The following EXOC2 variants were observed in gnomAD, a reference collection of about 807,000 sequenced individuals.
EXOC2 encodes exocyst complex component 2, also known as SEC5-like 1.
A neutral mutation model predicts 131.8 loss-of-function variants in EXOC2; 70 were observed. The ratio of observed to expected loss-of-function variants is 0.53; its 90% confidence interval spans 0.44 to 0.65. EXOC2 has a LOEUF of 0.65. Among genes scored for constraint, EXOC2 ranks in the 30% least tolerant of loss-of-function variants. The probability of loss-of-function intolerance (pLI) is 0.00; values close to 1 mark genes in which losing one functional copy is unlikely to be tolerated. For missense variants in EXOC2, 923 were observed against 1,108.6 expected, an observed-to-expected ratio of 0.83 and a Z score of 2.38; for synonymous variants, 411 against 398.4, an observed-to-expected ratio of 1.03 and a Z score of -0.38.
chr6:566,692 CT>C (rs146712124), intron 13 of EXOC2, among the ~76,000 whole-genome samples: 3 of 151,966 alleles, frequency 2.0e-5, no homozygotes, highest in African/African-American at 4.8e-5. Context: ...GGCTTGGGTA[CT>C]TTTTTTCTTT....
At chr6:508,305 A>G (rs1240575233) in intron 23 of EXOC2, among the ~76,000 whole-genome samples, 2 of 152,206 alleles carry the variant, frequency 1.3e-5, no homozygotes, top group African/African-American at 2.4e-5. Flanking sequence ...GACATGTGTC[A>G]TTATTACCCA....
chr6:504,689 G>A (rs926723312), intron 23 of EXOC2, among the ~76,000 whole-genome samples: 7 of 152,250 alleles, frequency 4.6e-5, no homozygotes, highest in Middle Eastern at 3.4e-3. Context: ...CCTACTCTGC[G>A]AAACAGACAG....
chr6:647,744 T>A (rs1410349239), intron 1 of EXOC2, among the ~76,000 whole-genome samples: 2 of 148,640 alleles, frequency 1.3e-5, no homozygotes, highest in Admixed American at 6.8e-5. Flanking sequence ...ACAGGGCAAT[T>A]CCAATTTACT....
chr6:529,119 C>G (rs6938136), intron 23 of EXOC2, among the ~76,000 whole-genome samples: 8 of 148,106 alleles, frequency 5.4e-5, no homozygotes, highest in Non-Finnish European at 9.0e-5. Context: ...GCCTTTTACC[C>G]CCCCCCGCGC....
chr6:597,781 T>C (rs1340889032), intron 10 of EXOC2, among the ~76,000 whole-genome samples: 1 of 152,162 alleles, frequency 6.6e-6, no homozygotes, highest in Non-Finnish European at 1.5e-5. Context: ...ACTTTTCCTT[T>C]CCCGAAAATG....
chr6:679,184 C>T (rs1345497447), intron 1 of EXOC2: 1 of 151,804 alleles, frequency 6.6e-6, no homozygotes, highest in Admixed American at 6.6e-5. Flanking sequence ...ATTTGAAAGC[C>T]AAACAGGAAG....
At chr6:530,755 G>A (rs912323868) in intron 23 of EXOC2, among the ~76,000 whole-genome samples, 2 of 152,206 alleles carry the variant, frequency 1.3e-5, no homozygotes, top group African/African-American at 4.8e-5. Flanking sequence ...CTCTGCATCT[G>A]TGGCCTCCAC....
chr6:582,437 C>T (rs1234067900), intron 11 of EXOC2, among the ~76,000 whole-genome samples: 1 of 151,634 alleles, frequency 6.6e-6, no homozygotes, highest in African/African-American at 2.4e-5. Flanking sequence ...GAAGGGTGGC[C>T]GACTTCCTCA....
intron 1 of EXOC2, among the ~76,000 whole-genome samples, chr6:686,604 ATC>A (rs1278287257): frequency 6.6e-6 from 1 of 152,128 alleles, no homozygotes; most frequent in Non-Finnish European, 1.5e-5. Context: ...CATAAAAGAG[ATC>A]TGTTATATAT....
At chr6:588,221 C>T (rs1759324701) in intron 11 of EXOC2, among the ~76,000 whole-genome samples, 1 of 152,128 alleles carries the variant, frequency 6.6e-6, no homozygotes, top group African/African-American at 2.4e-5. Flanking sequence ...GCAGTGTTTA[C>T]TGACAATGAC....
chr6:651,272 A>T (rs1480645265), intron 1 of EXOC2, among the ~76,000 whole-genome samples: 1 of 151,896 alleles, frequency 6.6e-6, no homozygotes, highest in Non-Finnish European at 1.5e-5. Flanking sequence ...TGACCTTGTG[A>T]TCCTCCTGCC....
chr6:516,823 T>C (rs1765189635), intron 23 of EXOC2, among the ~76,000 whole-genome samples: 1 of 152,216 alleles, frequency 6.6e-6, no homozygotes, highest in African/African-American at 2.4e-5. Context: ...CCTAATGCTT[T>C]CCATAGCACC....
At chr6:658,648 TA>T in intron 1 of EXOC2, among the ~76,000 whole-genome samples, 2 of 68,226 alleles carry the variant, frequency 2.9e-5, no homozygotes, top group African/African-American at 9.8e-5. Flanking sequence ...ATATATTTTA[TA>T]TATATATATA....
chr6:515,489 C>T (rs1370386782), intron 23 of EXOC2, among the ~76,000 whole-genome samples: 2 of 152,204 alleles, frequency 1.3e-5, no homozygotes, highest in Admixed American at 1.3e-4. Context: ...GGACTGATAC[C>T]CTGACGCCCT....
intron 1 of EXOC2, chr6:657,042 C>T (rs1581641983): frequency 9.7e-7 from 1 of 1,028,286 alleles, no homozygotes; most frequent in Non-Finnish European, 1.4e-6. Context: ...CCTCCCCGCC[C>T]TCCCTCCGGC....
intron 1 of EXOC2, among the ~76,000 whole-genome samples, chr6:662,818 G>C (rs1581652681): frequency 6.6e-6 from 1 of 151,994 alleles, no homozygotes; most frequent in Non-Finnish European, 1.5e-5. Flanking sequence ...GATCAGAGCA[G>C]AATTAAATGA....
chr6:591,690 C>T (rs1759550219), intron 11 of EXOC2, among the ~76,000 whole-genome samples: 1 of 152,140 alleles, frequency 6.6e-6, no homozygotes, highest in South Asian at 2.1e-4. Flanking sequence ...CTTGCATGAG[C>T]TAGGCCCTTG....
intron 25 of EXOC2, among the ~76,000 whole-genome samples, chr6:494,576 A>G (rs111636744): frequency 0.017 from 2,572 of 152,260 alleles, 75 homozygotes; most frequent in African/African-American, 0.056. Context: ...GCACCCTGTG[A>G]CGATCCCTAA....
intron 7 of EXOC2, 23 bp from the exon 8 acceptor site, chr6:599,248 A>G: frequency 6.6e-7 from 1 of 1,514,252 alleles, no homozygotes; most frequent in Non-Finnish European, 8.9e-7. Flanking sequence ...GAGGAAAGGA[A>G]ACTTAGATGA....
Sources: gnomAD v4.1 joint callset for allele counts (sites outside exome capture counted in the v4.1 genomes callset) on GRCh38, gnomAD v4.1.1 for gene constraint, MANE v1.5 for transcripts, NCBI Gene and HGNC (gene_info 2026-07-23, HGNC 2026-07-21) for gene names.